The following FERRY3 variants were observed in gnomAD, a reference collection of about 807,000 sequenced individuals.
FERRY3 encodes FERRY endosomal RAB5 effector complex subunit 3, also known as protein C12orf4.
chr12:4,509,690 G>C, the FERRY3 span, among the ~76,000 whole-genome samples: 3 of 142,854 alleles, frequency 2.1e-5, no homozygotes, highest in Non-Finnish European at 3.0e-5. Flanking sequence ...TGAGGGTCCT[G>C]TCTGTTAGAA....
At chr12:4,498,951 G>A in the FERRY3 span, among the ~76,000 whole-genome samples, 3 of 152,302 alleles carry the variant, frequency 2.0e-5, no homozygotes, top group East Asian at 1.9e-4. Context: ...CTCACCTCCT[G>A]CTGTGTGGCA....
the FERRY3 span, chr12:4,530,162 TCTTA>T: frequency 1.1e-6 from 1 of 884,372 alleles, no homozygotes; most frequent in Non-Finnish European, 1.7e-6. Context: ...AGAAAGACCC[TCTTA>T]TATATATATG....
the FERRY3 span, among the ~76,000 whole-genome samples, chr12:4,507,242 A>T: frequency 6.6e-6 from 1 of 152,186 alleles, no homozygotes; most frequent in Non-Finnish European, 1.5e-5. Flanking sequence ...AGAAGAAGGA[A>T]GCTATTTTTA....
chr12:4,537,671 C>T, the FERRY3 span, among the ~76,000 whole-genome samples: 1 of 152,066 alleles, frequency 6.6e-6, no homozygotes, highest in Non-Finnish European at 1.5e-5. Flanking sequence ...AGGCTATACA[C>T]AAAAATCTTC....
the FERRY3 span, among the ~76,000 whole-genome samples, chr12:4,521,876 T>C: frequency 6.6e-6 from 1 of 152,196 alleles, no homozygotes; most frequent in Non-Finnish European, 1.5e-5. Context: ...GATCTTCCAT[T>C]AGGCAAAGGT....
chr12:4,515,926 C>T, the FERRY3 span, among the ~76,000 whole-genome samples: 2 of 152,082 alleles, frequency 1.3e-5, no homozygotes, highest in Non-Finnish European at 2.9e-5. Flanking sequence ...CAAATATATA[C>T]AATCTTTAAT....
chr12:4,489,861 C>T, the FERRY3 span: 2 of 1,611,042 alleles, frequency 1.2e-6, no homozygotes, highest in Non-Finnish European at 1.7e-6. Context: ...TCTGGGGAAG[C>T]ATGTTACTAA....
chr12:4,531,008 G>T, the FERRY3 span, among the ~76,000 whole-genome samples: 1 of 150,406 alleles, frequency 6.6e-6, no homozygotes, highest in Non-Finnish European at 1.5e-5. Flanking sequence ...TCTTACCCAC[G>T]AAAATATTAA....
chr12:4,504,100 G>A, the FERRY3 span, among the ~76,000 whole-genome samples: 26 of 152,318 alleles, frequency 1.7e-4, no homozygotes, highest in Non-Finnish European at 3.1e-4. Flanking sequence ...GAAGGTGGGA[G>A]GAAATTTCGA....
chr12:4,519,772 T>A, the FERRY3 span, among the ~76,000 whole-genome samples: 1 of 152,302 alleles, frequency 6.6e-6, no homozygotes, highest in Non-Finnish European at 1.5e-5. This position sits in a 1 kb window ranked among gnomAD's most constrained non-coding sequence, Gnocchi z 4.3. Context: ...AGCATTAGGT[T>A]CTCATAGGAG....
At chr12:4,532,697 A>G in the FERRY3 span, among the ~76,000 whole-genome samples, 2 of 152,096 alleles carry the variant, frequency 1.3e-5, no homozygotes, top group African/African-American at 4.8e-5. Context: ...CCTCCACTTC[A>G]TAAGTTTCTC....
chr12:4,536,849 G>C, the FERRY3 span, among the ~76,000 whole-genome samples: 2 of 152,172 alleles, frequency 1.3e-5, no homozygotes, highest in Non-Finnish European at 2.9e-5. Context: ...TTATTCATCA[G>C]CCTTGTAACT....
chr12:4,525,234 G>T, the FERRY3 span: 1 of 1,609,818 alleles, frequency 6.2e-7, no homozygotes, highest in Non-Finnish European at 8.5e-7. Context: ...ATATGAATAA[G>T]AACAATACAT....
the FERRY3 span, among the ~76,000 whole-genome samples, chr12:4,493,033 A>G: frequency 6.6e-6 from 1 of 151,882 alleles, no homozygotes; most frequent in South Asian, 2.1e-4. Context: ...TCTACCTACA[A>G]TGCCCTTCTC....
At chr12:4,518,631 G>A in the FERRY3 span, 1 of 563,868 alleles carries the variant, frequency 1.8e-6, no homozygotes, top group African/African-American at 2.0e-5. Context: ...GCCAAGGTGG[G>A]TGGATTGCTT....
At chr12:4,523,346 T>G in the FERRY3 span, among the ~76,000 whole-genome samples, 16 of 152,202 alleles carry the variant, frequency 1.1e-4, no homozygotes, top group Non-Finnish European at 1.9e-4. Flanking sequence ...GATTCTACAC[T>G]TTTACACTGT....
the FERRY3 span, among the ~76,000 whole-genome samples, chr12:4,509,589 C>T: frequency 4.1e-5 from 6 of 146,866 alleles, no homozygotes; most frequent in Non-Finnish European, 7.4e-5. Flanking sequence ...GGTCCCTGAC[C>T]CCTGACCCCC....
At chr12:4,519,467 G>A in the FERRY3 span, among the ~76,000 whole-genome samples, 1 of 152,264 alleles carries the variant, frequency 6.6e-6, no homozygotes, top group East Asian at 1.9e-4. The surrounding 1 kb of genome is among the most constrained non-coding windows in gnomAD (Gnocchi z 4.3). Context: ...CCACAAAAGA[G>A]CAATAACCGT....
chr12:4,515,653 G>A, the FERRY3 span, among the ~76,000 whole-genome samples: 29 of 152,172 alleles, frequency 1.9e-4, no homozygotes, highest in Admixed American at 1.4e-3. Context: ...GGGCTGGGGC[G>A]GGGGGAAATG....
Sources: gnomAD v4.1 joint callset for allele counts (sites outside exome capture counted in the v4.1 genomes callset) on GRCh38, gnomAD v4.1.1 for gene constraint, Gnocchi (gnomAD v3.1) non-coding constraint, MANE v1.5 for transcripts, NCBI Gene and HGNC (gene_info 2026-07-23, HGNC 2026-07-21) for gene names.